PARD3: variants seen among roughly 807,000 people sequenced by gnomAD.
PARD3 encodes the protein par-3 family cell polarity regulator.
A neutral mutation model predicts 155.4 loss-of-function variants in PARD3; 75 were observed. The observed-to-expected ratio is 0.48, with a 90% CI of 0.40 to 0.58. The LOEUF (loss-of-function observed/expected upper bound fraction) is 0.58, where lower values mean the gene tolerates loss of function less well. Among genes scored for constraint, PARD3 ranks in the 20% least tolerant of loss-of-function variants. The pLI is 0.00. For missense variants in PARD3, 1,642 were observed against 1,721.7 expected (o/e 0.95, Z 0.82); for synonymous variants, 576 against 610.5 (o/e 0.94, Z 0.83).
intron 1 of PARD3, among the ~76,000 whole-genome samples, chr10:34,732,384 A>C (rs985414547): frequency 3.9e-5 from 6 of 152,096 alleles, no homozygotes; most frequent in Admixed American, 6.5e-5. Flanking sequence ...ATTTTGTGAG[A>C]TATCTTGATT....
At chr10:34,679,942 G>A (rs954059389) in intron 2 of PARD3, among the ~76,000 whole-genome samples, 1 of 152,110 alleles carries the variant, frequency 6.6e-6, no homozygotes, top group Non-Finnish European at 1.5e-5. Flanking sequence ...AGAGGTGGGA[G>A]GGTGCAAGGT....
chr10:34,478,311 C>A (rs11009801), intron 3 of PARD3, among the ~76,000 whole-genome samples: 1 of 152,178 alleles, frequency 6.6e-6, no homozygotes, highest in Non-Finnish European at 1.5e-5. Flanking sequence ...GAAGACCCAG[C>A]TGCATTGGGA....
intron 2 of PARD3, among the ~76,000 whole-genome samples, chr10:34,590,572 G>T (rs58121108): frequency 0.059 from 9,040 of 152,198 alleles, 842 homozygotes; most frequent in African/African-American, 0.2. Flanking sequence ...GAACAGCAAG[G>T]GAAACACCAG....
intron 4 of PARD3, among the ~76,000 whole-genome samples, chr10:34,466,356 A>G (rs1012308349): frequency 6.6e-6 from 1 of 152,136 alleles, no homozygotes; most frequent in Non-Finnish European, 1.5e-5. Context: ...TCAACAAGGA[A>G]GACTCCACCT....
intron 2 of PARD3, among the ~76,000 whole-genome samples, chr10:34,533,070 C>T (rs150827394): frequency 1.1e-3 from 163 of 152,222 alleles, no homozygotes; most frequent in African/African-American, 3.6e-3. Flanking sequence ...TATATCTAAA[C>T]GTATCTAACC....
chr10:34,420,587 T>A (rs1433425346), intron 5 of PARD3, among the ~76,000 whole-genome samples: 2 of 152,200 alleles, frequency 1.3e-5, no homozygotes, highest in Non-Finnish European at 2.9e-5. Context: ...TGGGCAACTA[T>A]TTAATTGACT....
chr10:34,546,450 G>A (rs2084064090), intron 2 of PARD3, among the ~76,000 whole-genome samples: 1 of 151,794 alleles, frequency 6.6e-6, no homozygotes. Context: ...CCAGGAGGCA[G>A]AGGTTGCAGC....
intron 15 of PARD3, chr10:34,344,779 A>G (rs1448526343): frequency 1.3e-5 from 13 of 985,298 alleles, no homozygotes; most frequent in Non-Finnish European, 1.6e-5. Flanking sequence ...TTTGGTCACA[A>G]TCCTGTCTGA....
At chr10:34,353,176 G>C (rs1050026232) in intron 14 of PARD3, among the ~76,000 whole-genome samples, 1 of 152,178 alleles carries the variant, frequency 6.6e-6, no homozygotes, top group Admixed American at 6.5e-5. Flanking sequence ...GGAGGGAGGT[G>C]GGGGGCGCGT....
chr10:34,683,720 G>A (rs781601053), intron 2 of PARD3, among the ~76,000 whole-genome samples: 1 of 152,042 alleles, frequency 6.6e-6, no homozygotes, highest in Non-Finnish European at 1.5e-5. Context: ...AGCCCATCCT[G>A]TGCAGGCTGA....
intron 22 of PARD3, among the ~76,000 whole-genome samples, chr10:34,255,482 A>G (rs1353321714): frequency 2.0e-5 from 3 of 152,220 alleles, no homozygotes; most frequent in Non-Finnish European, 4.4e-5. Flanking sequence ...AGTGTATTAT[A>G]TAACTTTCAG....
intron 1 of PARD3, among the ~76,000 whole-genome samples, chr10:34,809,763 C>T (rs190301194): frequency 1.3e-5 from 2 of 152,156 alleles, no homozygotes; most frequent in African/African-American, 4.8e-5. Flanking sequence ...GAAAGATCAG[C>T]CTTTCAAAAA....
At chr10:34,270,044 A>G (rs1438031556) in intron 21 of PARD3, 145 bp from the exon 22 acceptor site, 1 of 770,188 alleles carries the variant, frequency 1.3e-6, no homozygotes, top group Non-Finnish European at 2.1e-6. Flanking sequence ...CAGGTCATAC[A>G]CATTCTAGAT....
intron 1 of PARD3, among the ~76,000 whole-genome samples, chr10:34,772,340 A>C (rs2134101911): frequency 6.6e-6 from 1 of 152,060 alleles, no homozygotes; most frequent in South Asian, 2.1e-4. Flanking sequence ...CCATCTCAAA[A>C]ACAAATAAAA....
chr10:34,810,436 C>T (rs1267424117), intron 1 of PARD3, among the ~76,000 whole-genome samples: 1 of 152,120 alleles, frequency 6.6e-6, no homozygotes, highest in Non-Finnish European at 1.5e-5. Context: ...GTAATAACAA[C>T]AGGTTGCTAT....
At chr10:34,641,188 A>C (rs765856375) in intron 2 of PARD3, among the ~76,000 whole-genome samples, 29 of 152,154 alleles carry the variant, frequency 1.9e-4, no homozygotes, top group Non-Finnish European at 4.1e-4. Context: ...CCACGAACAC[A>C]CTTTATTTTA....
intron 21 of PARD3, among the ~76,000 whole-genome samples, chr10:34,281,465 G>A (rs1160900882): frequency 6.6e-6 from 1 of 152,122 alleles, no homozygotes; most frequent in Non-Finnish European, 1.5e-5. Flanking sequence ...GCTCTAGTCT[G>A]AGGCAGGGCA....
At chr10:34,480,794 C>CTTTT (rs61461165) in intron 3 of PARD3, among the ~76,000 whole-genome samples, 29 of 125,754 alleles carry the variant, frequency 2.3e-4, no homozygotes, top group African/African-American at 3.1e-4. Context: ...GTTTCTTTTT[C>CTTTT]TTTTTTTTTT....
chr10:34,236,227 C>T (rs1588885556), intron 22 of PARD3, among the ~76,000 whole-genome samples: 1 of 152,288 alleles, frequency 6.6e-6, no homozygotes, highest in East Asian at 1.9e-4. Context: ...ACACAGCCTA[C>T]TGTCTGTCCA....
Sources: allele counts gnomAD v4.1 joint callset (sites outside exome capture counted in the v4.1 genomes callset), GRCh38; gene constraint gnomAD v4.1.1; transcripts MANE v1.5; gene names NCBI Gene and HGNC (gene_info 2026-07-23, HGNC 2026-07-21).